CDH15: variants seen among roughly 807,000 people sequenced by gnomAD.
CDH15 encodes cadherin-15.
In CDH15, 73 loss-of-function variants were observed where a neutral mutation model predicts 69.4. The ratio of observed to expected loss-of-function variants is 1.05; its 90% CI spans 0.87 to 1.28. The LOEUF is 1.28. Among genes scored for constraint, CDH15 ranks in the 50% most tolerant of loss-of-function variants. CDH15 has a pLI of 0.00. For missense variants in CDH15, 1,343 were observed against 1,133.6 expected (o/e 1.18, Z -2.65); for synonymous variants, 624 against 507.7 (o/e 1.23, Z -3.08).
At chr16:89,191,989 C>T (rs1024720099) in intron 10 of CDH15, 95 bp downstream of exon 10, 2 of 1,308,614 alleles carry the variant, frequency 1.5e-6, no homozygotes, top group Non-Finnish European at 2.1e-6. Flanking sequence ...GAGGGGCATG[C>T]AAACCCGTGG....
At chr16:89,191,227 G>T in intron 8 of CDH15, 103 bp from the exon 9 acceptor site, 3 of 1,314,396 alleles carry the variant, frequency 2.3e-6, no homozygotes, top group Non-Finnish European at 3.3e-6. Flanking sequence ...GTATGTATGT[G>T]TGTGCCTGTG....
At position 89,193,485 on chromosome 16, in the gene CDH15, T is replaced by G. The variant is rs112137389; in HGVS notation, c.1871T>G (p.Val624Gly). The G allele has an allele frequency of 6.2e-7, 1 of 1,611,014 alleles. No homozygotes were observed. Residue 624 changes from valine to glycine, a missense_variant, in exon 12 of 14, where the codon GTG becomes GGG. Physicochemically the swap from Val to Gly is moderately radical, Grantham distance 109 (BLOSUM62 -3). Coordinates refer to ENST00000289746, the MANE Select transcript of CDH15 (RefSeq NM_004933.3). Reference protein sequence around the residue: ...ALLLLVLVLLVALRARFWKQS... With the variant: ...ALLLLVLVLLGALRARFWKQS... ...CATTCCCCAGTGCTGGTCCTGCTCG[T>G]GGCACTCCGGGCGCGGTTCTGGAAG... is the stretch of plus-strand genomic sequence containing the variant.
In CDH15 at chr16:89,180,806, C is replaced by T. The variant is rs58522514; in HGVS notation, c.357+451C>T. 8.1e-3 allele frequency among the ~76,000 whole-genome samples: 1,230 copies of T among 152,098 alleles called. 20 individuals carry two copies. The highest frequency in any genetic ancestry group is 0.028 in the African/African-American group (1,173 of 41,444). ...TGGCGGGATCTCGGCTCACTGCAAG[C>T]TCCGCCTCCCGGGTTCACGCCATTC... is the stretch of plus-strand genomic sequence containing the variant. On this transcript the variant is annotated intron_variant, in intron 3 of 13. Transcript: ENST00000289746.
At chr16:89,187,682 T>C in intron 6 of CDH15, 125 bp downstream of exon 6, 1 of 1,389,026 alleles carries the variant, frequency 7.2e-7, no homozygotes, top group Non-Finnish European at 1.0e-6. Flanking sequence ...GAGAAGGAAC[T>C]CCGCGTGGGC....
rs1384497383 is a variant in CDH15 at position 89,183,711 on chromosome 16, C to A, written c.502+19C>A. On this transcript the variant is annotated intron_variant, in intron 4 of 13. Coordinates refer to ENST00000289746, the MANE Select transcript of CDH15 (RefSeq NM_004933.3). Reference sequence around the variant, plus strand: ...GTCCCAGGTGAGACAGGACCACAGCCCCGGGCCGGGAGGGGCTGCAAGGAA... The same window carrying A: ...GTCCCAGGTGAGACAGGACCACAGCACCGGGCCGGGAGGGGCTGCAAGGAA... 1.3e-6 allele frequency: 2 copies of A among 1,580,532 alleles called. No homozygotes were observed. The highest frequency in any genetic ancestry group is 1.8e-5 in the Admixed American group (1 of 54,690).
chr16:89,180,824 C>G (rs1183770525), intron 3 of CDH15, among the ~76,000 whole-genome samples: 1 of 149,882 alleles, frequency 6.7e-6, no homozygotes, highest in Non-Finnish European at 1.5e-5. Context: ...CCCGGGTTCA[C>G]GCCATTCTCC....
At position 89,193,587 on chromosome 16, in the gene CDH15, G is replaced by A; in HGVS notation, c.1973G>A (p.Gly658Glu). 1 of 1,602,142 alleles carries A rather than the reference G, an allele frequency of 6.2e-7. No homozygotes were observed. Among genetic ancestry groups the A allele is most frequent in the Admixed American group, 1.7e-5 (1 of 58,170 alleles). The stretch of plus-strand genomic sequence containing the variant: ...AATGTCCTCAACTACGATGAGCAAG[G>A]AGGCGGGGAGGAGGACCAGGTGAGG... ...RDNVLNYDEQ[G>E]GGEEDQDAYD... The change falls in exon 12 of 14, where the codon GGA becomes GAA. Residue 658 changes from glycine (G) to glutamate (E), a missense_variant. Physicochemically the swap from Gly to Glu is moderately conservative, Grantham distance 98 (BLOSUM62 -2). Coordinates refer to ENST00000289746, the MANE Select transcript of CDH15 (RefSeq NM_004933.3).
At chr16:89,185,570 C>G in intron 5 of CDH15, 1 of 594,014 alleles carries the variant, frequency 1.7e-6, no homozygotes, top group Non-Finnish European at 3.0e-6. Flanking sequence ...AGGGGCCCGG[C>G]ACAGGGCAGG....
In CDH15 at chr16:89,191,310, C is replaced by G; in HGVS notation, c.1233-20C>G. On this transcript the variant is annotated intron_variant, in intron 8 of 13. Transcript: ENST00000289746. ...CCCTGGGGTAAACTCAGATCCCACT[C>G]TTCCCCTCCCCTGCATCAGCTACTC... 6.2e-7 allele frequency: 1 copy of G among 1,612,598 alleles called. No homozygotes were observed. The highest frequency in any genetic ancestry group is 8.5e-7 in the Non-Finnish European group (1 of 1,179,932).
At chr16:89,184,247 G>C (rs1169245311) in intron 4 of CDH15, among the ~76,000 whole-genome samples, 3 of 152,166 alleles carry the variant, frequency 2.0e-5, no homozygotes, top group Non-Finnish European at 2.9e-5. Context: ...GTCTGTGGCA[G>C]TGGCCTCCGC....
intron 1 of CDH15, among the ~76,000 whole-genome samples, chr16:89,176,180 A>C (rs1597301076): frequency 6.6e-6 from 1 of 152,114 alleles, no homozygotes; most frequent in African/African-American, 2.4e-5. Flanking sequence ...ACTCAGACTT[A>C]CCAGCCCCCA....
chr16:89,195,106 G>C lies in CDH15; in HGVS notation c.2396G>C (p.Gly799Ala). 6.2e-7 allele frequency: 1 copy of C among 1,608,436 alleles called. No homozygotes were observed. The highest frequency in any genetic ancestry group is 8.5e-7 in the Non-Finnish European group (1 of 1,177,122). ...AGATGGGACCACCAGGCCAGGGAGG[G>C]TCTTTCTCCTGGGGCACTGCTACCC... ...GARWDHQARE[G>A]LSPGALLPRH... is the part of the protein sequence containing the mutation. Residue 799 changes from glycine to alanine, a missense_variant, in exon 14 of 14, where the codon GGT (glycine) becomes GCT (alanine). Physicochemically the swap from Gly to Ala is moderately conservative, Grantham distance 60. Coordinates refer to ENST00000289746, the MANE Select transcript of CDH15 (RefSeq NM_004933.3).
At chr16:89,193,960 GCA>G in intron 13 of CDH15, 47 bp downstream of exon 13, 9 of 1,595,276 alleles carry the variant, frequency 5.6e-6, no homozygotes, top group Middle Eastern at 1.7e-4. Flanking sequence ...ACGCACAGGT[GCA>G]CACACACATG....
At chr16:89,194,786 C>G (rs1240349844) in intron 13 of CDH15, 76 bp from the exon 14 acceptor site, 4 of 1,459,890 alleles carry the variant, frequency 2.7e-6, no homozygotes, top group Non-Finnish European at 3.7e-6. Flanking sequence ...GCTGACTTTG[C>G]CCTGGGCTGT....
At chr16:89,187,613 C>T in intron 6 of CDH15, 56 bp downstream of exon 6, 8 of 1,607,180 alleles carry the variant, frequency 5.0e-6, no homozygotes, top group South Asian at 2.2e-5. Context: ...GCCTTCCCTT[C>T]TTGGGCTCCT....
At position 89,173,796 on chromosome 16, in the gene CDH15, G is replaced by A. The variant is rs142290563; in HGVS notation, c.42+1923G>A. ...GCTCACTCAGCCCCACCCGGAGGGT[G>A]TCTTCAGAACTGGCCCCTCTCAGCC... On this transcript the variant is annotated intron_variant, in intron 1 of 13. Transcript: ENST00000289746. Among the ~76,000 whole-genome samples the A allele has an allele frequency of 7.4e-3, 1,122 of 152,324 alleles. 16 individuals are homozygous for A. The highest frequency in any genetic ancestry group is 0.026 in the African/African-American group (1,088 of 41,578).
intron 13 of CDH15, among the ~76,000 whole-genome samples, chr16:89,194,494 C>T (rs1016783818): frequency 1.3e-5 from 2 of 152,178 alleles, no homozygotes; most frequent in Non-Finnish European, 2.9e-5. Flanking sequence ...GCAGACGGGC[C>T]GTTCTGCGGA....
At position 89,179,424 on chromosome 16, in the gene CDH15, C is replaced by G; in HGVS notation, c.51C>G (p.Cys17Trp). Residue 17 changes from cysteine (C) to tryptophan (W), a missense_variant, in exon 2 of 14, where the codon TGC becomes TGG. Physicochemically the swap from Cys to Trp is radical, Grantham distance 215. Transcript: ENST00000289746. Reference protein sequence around the residue: ...LVLGLLAQSLCLSLGVPGWRR... With the variant: ...LVLGLLAQSLWLSLGVPGWRR... ...ATCTGTCTTTGTTGCAGAGCCTCTG[C>G]CTGTCTTTGGGGGTTCCTGGATGGA... 1 of 1,613,648 alleles carries G rather than the reference C, an allele frequency of 6.2e-7. No individual in the cohort carries two copies. Among genetic ancestry groups the G allele is most frequent in the Non-Finnish European group, 8.5e-7 (1 of 1,179,912 alleles).
In CDH15 at chr16:89,193,837, C is replaced by A; in HGVS notation, c.2075C>A (p.Pro692Gln). Residue 692 changes from proline to glutamine, a missense_variant, in exon 13 of 14, where the codon CCG (proline) becomes CAG (glutamine). Physicochemically the swap from Pro to Gln is moderately conservative, Grantham distance 76. Transcript: ENST00000289746. ...LGPPPLRRDA[P>Q]QGRLHPQPPR... ...CCGCCGCCACTTCGCAGAGATGCCC[C>A]GCAGGGCCGCCTGCACCCCCAGCCA... is the stretch of plus-strand genomic sequence containing the variant. 1 of 1,610,722 alleles carries A rather than the reference C, an allele frequency of 6.2e-7. No individual in the cohort carries two copies. The highest frequency in any genetic ancestry group is 1.3e-5 in the African/African-American group (1 of 75,030).
Sources: allele counts gnomAD v4.1 joint callset (sites outside exome capture counted in the v4.1 genomes callset), GRCh38; gene constraint gnomAD v4.1.1; transcripts MANE v1.5; gene names NCBI Gene and HGNC (gene_info 2026-07-23, HGNC 2026-07-21).